The following CLASP2 variants were observed in gnomAD, a reference collection of about 807,000 sequenced individuals.
CLASP2 encodes cytoplasmic linker associated protein 2, also known as CLIP-associating protein 2.
In CLASP2, 47 loss-of-function variants were observed where a neutral mutation model predicts 194.4. The observed-to-expected ratio is 0.24, with a 90% CI of 0.19 to 0.31. The LOEUF (loss-of-function observed/expected upper bound fraction) is 0.31, where lower values mean the gene tolerates loss of function less well. Among genes scored for constraint, CLASP2 ranks in the 10% least tolerant of loss-of-function variants. The probability of loss-of-function intolerance (pLI) is 1.00; values close to 1 mark genes in which losing one functional copy is unlikely to be tolerated. For synonymous variants in CLASP2, 619 were observed against 633.5 expected, an observed-to-expected ratio of 0.98 and a Z score of 0.34; for missense variants, 1,445 against 1,823.6, an observed-to-expected ratio of 0.79 and a Z score of 3.78.
intron 1 of CLASP2, among the ~76,000 whole-genome samples, chr3:33,707,698 CAATTT>C (rs1157977250): frequency 6.6e-6 from 1 of 152,032 alleles, no homozygotes; most frequent in African/African-American, 2.4e-5. Flanking sequence ...AAAAAGGACT[CAATTT>C]AAGTTTTAGA....
Position 33,581,837 on chromosome 3 carries a change from G to C in CLASP2, c.2331C>G (p.Arg777=), listed in dbSNP as rs756504840. Residue 777 remains arginine, a synonymous_variant, in exon 23 of 39, where the codon CGC becomes CGG. Transcript: ENST00000682230. ...AATACGTACCGAGGGGCTGAAAAGA[G>C]CGAACAGGACTTGTGTCTCTGCTGC... ...RESSRDTSPV[R]SFQPLGPGYG... is the part of the protein sequence containing the mutation. The C allele has an allele frequency of 5.0e-6, 8 of 1,613,130 alleles. No homozygotes were observed. The highest frequency in any genetic ancestry group is 1.3e-5 in the African/African-American group (1 of 74,904).
chr3:33,542,678 T>A (rs1303199790), intron 32 of CLASP2, among the ~76,000 whole-genome samples: 1 of 150,892 alleles, frequency 6.6e-6, no homozygotes, highest in African/African-American at 2.4e-5. Context: ...ATGATACATA[T>A]ATAATGTCAT....
chr3:33,696,353 C>CTTTTTTTTTTTTTTTT (rs962854814), intron 2 of CLASP2, among the ~76,000 whole-genome samples: 1 of 52,732 alleles, frequency 1.9e-5, no homozygotes, highest in African/African-American at 7.7e-5. Flanking sequence ...TTCTTTCTTT[C>CTTTTTTTTTTTTTTTT]TTTTTTTTTT....
intron 21 of CLASP2, among the ~76,000 whole-genome samples, chr3:33,588,933 T>C (rs1241395833): frequency 6.6e-6 from 1 of 152,154 alleles, no homozygotes; most frequent in Non-Finnish European, 1.5e-5. Flanking sequence ...ATTTAGTTGT[T>C]TTTAAAGCTA....
Position 33,687,088 on chromosome 3 carries a change from C to A in CLASP2, c.518G>T (p.Cys173Phe), listed in dbSNP as rs1337576745. Residue 173 changes from cysteine (C) to phenylalanine (F), a missense_variant, in exon 5 of 39, where the codon TGT becomes TTT. By Grantham distance (205) the Cys-to-Phe change is radical. Transcript: ENST00000682230. ...LVISKLIPHL[C>F]ILFGDSNSQV... ...ACTGTTGGAGTCTCCAAACAGGATA[C>A]ACAAATGTGGTATCAATTTGCTGAT... 6.2e-7 allele frequency: 1 copy of A among 1,602,088 alleles called. No individual in the cohort carries two copies. The highest frequency in any genetic ancestry group is 1.7e-5 in the Admixed American group (1 of 58,852).
chr3:33,654,481 A>G (rs1474611629), intron 7 of CLASP2, among the ~76,000 whole-genome samples: 2 of 152,186 alleles, frequency 1.3e-5, no homozygotes, highest in African/African-American at 2.4e-5. Context: ...AAGACAAAAC[A>G]TAAAAGACAG....
At chr3:33,570,004 A>C (rs1038875288) in intron 26 of CLASP2, among the ~76,000 whole-genome samples, 1 of 152,186 alleles carries the variant, frequency 6.6e-6, no homozygotes, top group Non-Finnish European at 1.5e-5. Flanking sequence ...TCTCCCGCTC[A>C]CTTAGGTTAG....
intron 6 of CLASP2, among the ~76,000 whole-genome samples, chr3:33,670,087 C>T (rs1201123596): frequency 6.6e-6 from 1 of 152,136 alleles, no homozygotes; most frequent in Non-Finnish European, 1.5e-5. Context: ...CATACACATG[C>T]ACACACATAC....
chr3:33,614,350 G>GT, intron 12 of CLASP2, among the ~76,000 whole-genome samples: 2 of 152,192 alleles, frequency 1.3e-5, no homozygotes, highest in Admixed American at 1.3e-4. Flanking sequence ...TGACATCAAG[G>GT]ATTTCAGAAT....
At chr3:33,532,633 T>C (rs1368889704) in intron 34 of CLASP2, among the ~76,000 whole-genome samples, 1 of 152,206 alleles carries the variant, frequency 6.6e-6, no homozygotes, top group Non-Finnish European at 1.5e-5. Flanking sequence ...AATGTACCAA[T>C]GATAATTTCC....
chr3:33,620,337 T>C (rs1360883644), intron 11 of CLASP2, among the ~76,000 whole-genome samples: 1 of 152,190 alleles, frequency 6.6e-6, no homozygotes, highest in East Asian at 1.9e-4. Flanking sequence ...AATTGTGTAC[T>C]TAAACAACTA....
At chr3:33,538,759 T>A (rs757406493) in intron 33 of CLASP2, 30 bp downstream of exon 33, 302 of 1,498,170 alleles carry the variant, frequency 2.0e-4, no homozygotes, top group Non-Finnish European at 2.6e-4. Context: ...AATAAAATAG[T>A]CTGGAAAGTA....
At chr3:33,683,931 C>CAAAAAAA (rs35349805) in intron 6 of CLASP2, among the ~76,000 whole-genome samples, 3 of 78,890 alleles carry the variant, frequency 3.8e-5, no homozygotes, top group Admixed American at 1.5e-4. Context: ...GACTCTGTCT[C>CAAAAAAA]AAAAAAAAAA....
chr3:33,538,571 T>C (rs556931273), intron 33 of CLASP2, among the ~76,000 whole-genome samples: 1 of 152,346 alleles, frequency 6.6e-6, no homozygotes, highest in East Asian at 1.9e-4. Flanking sequence ...TACTCATCTC[T>C]ATATGAAAAT....
rs1575522108 is a variant in CLASP2 at position 33,497,223 on chromosome 3, T to C, written c.*1408A>G. On this transcript the variant is annotated 3_prime_UTR_variant, in exon 39 of 39. Coordinates refer to ENST00000682230, the MANE Select transcript of CLASP2 (RefSeq NM_001365631.1). ...TAAATTCTTTACATATATTTCTACA[T>C]TTTTTTCAGTTAAACAAAGTACAGA... is the stretch of plus-strand genomic sequence containing the variant. 6.6e-6 allele frequency: 1 copy of C among 152,596 alleles called. No homozygotes were observed. Among genetic ancestry groups the C allele is most frequent in the African/African-American group, 2.4e-5 (1 of 41,536 alleles). The allele number at this position is 152,596 out of a possible 1,614,324, so 9.5% of individuals were successfully genotyped here.
intron 8 of CLASP2, among the ~76,000 whole-genome samples, chr3:33,636,889 C>T (rs1013764321): frequency 2.0e-5 from 3 of 152,198 alleles, no homozygotes; most frequent in African/African-American, 7.2e-5. Context: ...GTGTGAGCCA[C>T]TATGCCTGGC....
chr3:33,603,124 T>C lies in CLASP2; in HGVS notation c.1752A>G (p.Val584=). Residue 584 remains valine (V), a splice_region_variant and synonymous_variant, in exon 18 of 39, where the codon GTA becomes GTG. Coordinates refer to ENST00000682230, the MANE Select transcript of CLASP2 (RefSeq NM_001365631.1). ...AACTGGCTTTGCTGCTGCCTGCTGA[T>C]ACTACGAAATACAAAGCAAAGATAA... The part of the protein sequence containing the change: ...TANPSTVAGR[V]SAGSSKASSL... 6.4e-7 allele frequency: 1 copy of C among 1,560,858 alleles called. No homozygotes were observed. The highest frequency in any genetic ancestry group is 8.7e-7 in the Non-Finnish European group (1 of 1,150,806).
intron 23 of CLASP2, among the ~76,000 whole-genome samples, chr3:33,578,582 G>C (rs1040544397): frequency 1.3e-5 from 2 of 152,150 alleles, no homozygotes; most frequent in South Asian, 2.1e-4. Flanking sequence ...CTAAGAGAAT[G>C]CTGCACAAAA....
chr3:33,532,567 T>A (rs2056557994), intron 34 of CLASP2, among the ~76,000 whole-genome samples: 1 of 152,180 alleles, frequency 6.6e-6, no homozygotes, highest in Non-Finnish European at 1.5e-5. Flanking sequence ...GGAAAAAAGA[T>A]ATTATTGGGA....
Sources: allele counts gnomAD v4.1 joint callset (sites outside exome capture counted in the v4.1 genomes callset), GRCh38; gene constraint gnomAD v4.1.1; transcripts MANE v1.5; gene names NCBI Gene and HGNC (gene_info 2026-07-23, HGNC 2026-07-21).